RELL1: variants seen among roughly 807,000 people sequenced by gnomAD.
RELL1 encodes the protein RELT like 1, also known as RELT-like protein 1.
A neutral mutation model predicts 23.0 loss-of-function variants in RELL1; 10 were observed. That is an observed-to-expected ratio of 0.43 (90% CI 0.27 to 0.74). RELL1 has a LOEUF of 0.74. Ranked by LOEUF, RELL1 falls within the 30% of genes least tolerant of loss-of-function variation. RELL1 has a pLI of 0.19. For missense variants in RELL1, 315 were observed against 364.4 expected (o/e 0.86, Z 1.10); for synonymous variants, 146 against 146.8 (o/e 0.99, Z 0.04).
At chr4:37,615,766 G>T (rs1019876943) in intron 6 of RELL1, among the ~76,000 whole-genome samples, 1 of 152,150 alleles carries the variant, frequency 6.6e-6, no homozygotes, top group Non-Finnish European at 1.5e-5. Context: ...TATAAAACAA[G>T]ACTGATGGAT....
At chr4:37,636,028 T>A (rs1720317412) in intron 4 of RELL1, among the ~76,000 whole-genome samples, 1 of 152,226 alleles carries the variant, frequency 6.6e-6, no homozygotes, top group African/African-American at 2.4e-5. Flanking sequence ...ATCTTATATG[T>A]ATATGTTAAT....
At chr4:37,675,682 C>T (rs1328353686) in intron 1 of RELL1, among the ~76,000 whole-genome samples, 2 of 152,176 alleles carry the variant, frequency 1.3e-5, no homozygotes, top group Non-Finnish European at 2.9e-5. Context: ...GTGAGAATAC[C>T]TAGGAAATGT....
chr4:37,595,913 C>G (rs1718824109), intron 6 of RELL1, among the ~76,000 whole-genome samples: 1 of 152,124 alleles, frequency 6.6e-6, no homozygotes, highest in African/African-American at 2.4e-5. Context: ...TCTTTAAAAT[C>G]CTGGAAGAGA....
downstream of RELL1, among the ~76,000 whole-genome samples, chr4:37,605,791 A>AAGAGAGAG (rs879276161): frequency 0.19 from 13,592 of 70,368 alleles, 1,539 homozygotes; most frequent in Non-Finnish European, 0.27. Context: ...GAGAGAAAGA[A>AAGAGAGAG]AGAGAAAGAA....
chr4:37,633,112 T>A (rs957035650), intron 5 of RELL1, among the ~76,000 whole-genome samples: 2 of 152,104 alleles, frequency 1.3e-5, no homozygotes, highest in Non-Finnish European at 2.9e-5. Flanking sequence ...TGGGGCATTT[T>A]AAAAAGCCAT....
At chr4:37,586,885 G>A (rs754417326), downstream of RELL1, among the ~76,000 whole-genome samples, 2 of 152,180 alleles carry the variant, frequency 1.3e-5, no homozygotes, top group African/African-American at 2.4e-5. Flanking sequence ...ACTCCAGCCT[G>A]GGCAACAGAG....
chr4:37,595,759 C>T (rs1353496917), intron 6 of RELL1, among the ~76,000 whole-genome samples: 2 of 152,116 alleles, frequency 1.3e-5, no homozygotes, highest in African/African-American at 4.8e-5. Flanking sequence ...TGGGCAGCTG[C>T]TGAAGGTTTG....
intron 1 of RELL1, among the ~76,000 whole-genome samples, chr4:37,670,857 C>T (rs1391164771): frequency 6.6e-6 from 1 of 152,206 alleles, no homozygotes. Context: ...TAGGCATGAG[C>T]CACCGCACCC....
chr4:37,630,594 T>C (rs898657149), intron 6 of RELL1, among the ~76,000 whole-genome samples: 29 of 152,028 alleles, frequency 1.9e-4, no homozygotes, highest in Non-Finnish European at 3.8e-4. Context: ...CTCGATCTCC[T>C]GACCTCATGA....
chr4:37,631,562 T>C, intron 5 of RELL1, 39 bp from the exon 6 acceptor site: 1 of 1,601,316 alleles, frequency 6.2e-7, no homozygotes, highest in Non-Finnish European at 8.5e-7. Flanking sequence ...GGTTTGCTTT[T>C]CTAATAAACA....
Position 37,612,457 on chromosome 4 carries a change from GATACCCCGTCTCTACTAAAA to G in RELL1, c.*869_*888del, listed in dbSNP as rs1719435353. Among the ~76,000 whole-genome samples, 1 of 151,714 alleles carries G rather than the reference GATACCCCGTCTCTACTAAAA, an allele frequency of 6.6e-6. No individual in the cohort carries two copies. Among genetic ancestry groups the G allele is most frequent in the African/African-American group, 2.4e-5 (1 of 41,282 alleles). On this transcript the variant is annotated 3_prime_UTR_variant, in exon 7 of 7. Coordinates refer to ENST00000454158, the MANE Select transcript of RELL1 (RefSeq NM_001085400.2). ...TCAAGACCAGCCTGACCAATATAGT[GATACCCCGTCTCTACTAAAA>G]ATACAAAAATTAGTCGAGCGTGGTG...
In RELL1 at chr4:37,612,340, A is replaced by AAC. The variant is rs1491273461; in HGVS notation, c.*1005_*1006insGT. On this transcript the variant is annotated 3_prime_UTR_variant, in exon 7 of 7. Transcript: ENST00000454158. ...TAAAGGTTAAAAAAAAAAAAAAAAC[A>AAC]AAAAAAAACAAAAAACCGGGTGCAG... Among the ~76,000 whole-genome samples the AAC allele has an allele frequency of 2.6e-3, 8 of 3,066 alleles. No individual in the cohort carries two copies. Among genetic ancestry groups the AAC allele is most frequent in the South Asian group, 9.4e-3 (1 of 106 alleles). The allele number at this position is 3,066 out of a possible 152,430, so 2.0% of individuals were successfully genotyped here.
intron 1 of RELL1, among the ~76,000 whole-genome samples, chr4:37,651,985 G>A (rs570649217): frequency 7.9e-5 from 12 of 152,348 alleles, no homozygotes; most frequent in African/African-American, 2.4e-4. Context: ...GCACGCCAGC[G>A]TGGCCAAGCA....
At chr4:37,642,896 G>A (rs920029508) in intron 3 of RELL1, among the ~76,000 whole-genome samples, 5 of 152,216 alleles carry the variant, frequency 3.3e-5, no homozygotes, top group East Asian at 1.9e-4. Flanking sequence ...GGAGGGTGGC[G>A]CACCCAGAGA....
intron 6 of RELL1, among the ~76,000 whole-genome samples, chr4:37,592,338 A>G (rs1306465488): frequency 6.9e-6 from 1 of 143,994 alleles, no homozygotes; most frequent in East Asian, 2.0e-4. Flanking sequence ...CAATTTAGCG[A>G]GACCCCATCT....
At chr4:37,598,223 G>A in intron 6 of RELL1, among the ~76,000 whole-genome samples, 1 of 86,852 alleles carries the variant, frequency 1.2e-5, no homozygotes, top group Admixed American at 1.8e-4. Context: ...TGAATGTTCT[G>A]TTCTGGGAAA....
chr4:37,590,793 G>A, downstream of RELL1: 1 of 1,614,076 alleles, frequency 6.2e-7, no homozygotes, highest in Middle Eastern at 1.7e-4. Flanking sequence ...ATGAGGATGT[G>A]GAAACAGAAG....
chr4:37,621,143 T>C (rs139753654), intron 6 of RELL1, among the ~76,000 whole-genome samples: 6 of 152,288 alleles, frequency 3.9e-5, no homozygotes, highest in Admixed American at 1.3e-4. Flanking sequence ...TTAGTAGAAC[T>C]CAAGGTCTCA....
chr4:37,605,008 T>C (rs1719153140), intron 6 of RELL1, among the ~76,000 whole-genome samples: 1 of 151,904 alleles, frequency 6.6e-6, no homozygotes, highest in Admixed American at 6.6e-5. Flanking sequence ...CTCACAGTAA[T>C]ATATTTTCAA....
Sources: allele counts gnomAD v4.1 joint callset (sites outside exome capture counted in the v4.1 genomes callset), GRCh38; gene constraint gnomAD v4.1.1; transcripts MANE v1.5; gene names NCBI Gene and HGNC (gene_info 2026-07-23, HGNC 2026-07-21).